The following SMPD4 variants were observed in gnomAD, a reference collection of about 807,000 sequenced individuals.
SMPD4 encodes neutral sphingomyelinase 3.
SMPD4 carries 58 observed loss-of-function variants against 97.8 expected under a neutral mutation model. The observed-to-expected ratio is 0.59, with a 90% CI of 0.48 to 0.74. The LOEUF (loss-of-function observed/expected upper bound fraction) is 0.74. Ranked by LOEUF, SMPD4 falls within the 30% of genes least tolerant of loss-of-function variation. The probability of loss-of-function intolerance (pLI) is 0.00; values close to 1 mark genes in which losing one functional copy is unlikely to be tolerated. For missense variants in SMPD4, 853 were observed against 1,080.5 expected (o/e 0.79, Z 2.95); for synonymous variants, 388 against 450.0 (o/e 0.86, Z 1.74).
At chr2:130,171,198 G>C (rs547511264) in intron 8 of SMPD4, among the ~76,000 whole-genome samples, 40 of 148,856 alleles carry the variant, frequency 2.7e-4, no homozygotes, top group Non-Finnish European at 3.1e-4. Context: ...TCCGCCTCCC[G>C]GGTTCAAGCA....
chr2:130,169,980 G>A (rs1688287808), intron 8 of SMPD4, among the ~76,000 whole-genome samples: 1 of 151,510 alleles, frequency 6.6e-6, no homozygotes, highest in Non-Finnish European at 1.5e-5. Flanking sequence ...GAAGATTGCT[G>A]AGGCCAGGAG....
intron 12 of SMPD4, chr2:130,156,918 C>G: frequency 8.9e-7 from 1 of 1,118,302 alleles, no homozygotes; most frequent in Non-Finnish European, 1.3e-6. Context: ...CCTCACCCTC[C>G]GTCCCATACA....
chr2:130,181,365 A>T, intron 1 of SMPD4, 165 bp downstream of exon 1: 1 of 1,442,328 alleles, frequency 6.9e-7, no homozygotes. Context: ...GGGTGGCAGA[A>T]GACTCAACCG....
chr2:130,156,278 G>A, intron 13 of SMPD4, 143 bp from the exon 14 acceptor site: 1 of 766,876 alleles, frequency 1.3e-6, no homozygotes, highest in Non-Finnish European at 2.1e-6. Flanking sequence ...GCACAGCCCT[G>A]TGAGGTTTGG....
intron 3 of SMPD4, among the ~76,000 whole-genome samples, chr2:130,173,886 C>T (rs1688717831): frequency 6.6e-6 from 1 of 151,570 alleles, no homozygotes; most frequent in South Asian, 2.1e-4. Context: ...TTGCTTTAGA[C>T]TTGGGCCAGT....
At chr2:130,158,236 C>G (rs1014190041) in intron 11 of SMPD4, 4 of 1,288,816 alleles carry the variant, frequency 3.1e-6, no homozygotes, top group Middle Eastern at 2.1e-4. Context: ...GTAGAAGCCC[C>G]GGGCGTCACT....
Position 130,156,606 on chromosome 2 carries a change from G to A in SMPD4, c.1167C>T (p.Pro389=). 1 of 1,613,740 alleles carries A rather than the reference G, an allele frequency of 6.2e-7. No homozygotes were observed. Among genetic ancestry groups the A allele is most frequent in the Non-Finnish European group, 8.5e-7 (1 of 1,179,876 alleles). ...LFLQHCFGHW[P]LDASFRAVLE... ...TCACAGCTCTGAACGATGCGTCCAG[G>A]GGCCAGTGGCCAAAGCAATGCTGCA... The change falls in exon 13 of 20, where the codon CCC becomes CCT. Residue 389 remains proline, a synonymous_variant. Transcript: ENST00000680298.
chr2:130,172,164 A>G (rs1259381103), intron 8 of SMPD4, among the ~76,000 whole-genome samples, 185 bp downstream of exon 8: 1 of 152,180 alleles, frequency 6.6e-6, no homozygotes, highest in Admixed American at 6.5e-5. Flanking sequence ...ACTGAACACT[A>G]AGGACAGATT....
intron 8 of SMPD4, among the ~76,000 whole-genome samples, chr2:130,171,164 G>A (rs565285985): frequency 1.9e-4 from 29 of 150,310 alleles, no homozygotes; most frequent in South Asian, 1.5e-3. Flanking sequence ...GTGTACAGTG[G>A]TGCAATCTCA....
intron 17 of SMPD4, 77 bp from the exon 18 acceptor site, chr2:130,153,527 C>G: frequency 1.9e-6 from 3 of 1,593,074 alleles, no homozygotes; most frequent in Middle Eastern, 1.9e-4. Flanking sequence ...CAGCCTACAA[C>G]AGTGGCAACA....
intron 10 of SMPD4, among the ~76,000 whole-genome samples, chr2:130,162,433 C>CA (rs1687521411): frequency 6.6e-6 from 1 of 152,234 alleles, no homozygotes; most frequent in African/African-American, 2.4e-5. Context: ...AGTGAAGGAG[C>CA]AGGGCAGGGA....
chr2:130,181,245 T>A, intron 1 of SMPD4: 1 of 1,314,924 alleles, frequency 7.6e-7, no homozygotes, highest in Non-Finnish European at 9.7e-7. Flanking sequence ...AACACAAAGC[T>A]CTCCTTCCCT....
chr2:130,171,070 CAAAAT>C lies in SMPD4; in HGVS notation c.659+1274_659+1278del, dbSNP rs766589958. Among the ~76,000 whole-genome samples the C allele has an allele frequency of 3.6e-3, 546 of 150,544 alleles. 2 individuals carry two copies. The highest frequency in any genetic ancestry group is 5.9e-3 in the Non-Finnish European group (399 of 67,726). Reference sequence around the variant, plus strand: ...CAGAGTGAGACTCCATCTCCAAACACAAAATAAAATAAAATAAAATAAAATAAATA... The same window carrying C: ...CAGAGTGAGACTCCATCTCCAAACACAAAATAAAATAAAATAAAATAAATA... On this transcript the variant is annotated intron_variant, in intron 8 of 19. Transcript: ENST00000680298.
At chr2:130,167,866 C>T (rs938445920) in intron 8 of SMPD4, among the ~76,000 whole-genome samples, 2 of 152,134 alleles carry the variant, frequency 1.3e-5, no homozygotes, top group Admixed American at 1.3e-4. Context: ...ATTTAGTAAC[C>T]GCCCTATTAA....
intron 1 of SMPD4, among the ~76,000 whole-genome samples, chr2:130,179,951 C>T (rs2104934983): frequency 6.7e-6 from 1 of 149,600 alleles, no homozygotes; most frequent in East Asian, 2.0e-4. Flanking sequence ...CCATGCCCGG[C>T]CGCTTTTTCT....
At position 130,172,855 on chromosome 2, in the gene SMPD4, T is replaced by C. The variant is rs914296427; in HGVS notation, c.386A>G (p.Asp129Gly). ...KASIQECILP[D>G]SPLYHNKVQF... Reference sequence around the variant, plus strand: ...GACCTTGTTGTGGTACAGAGGACTGTCAGGGAGGATGCACTCCTGGATGGA... The same window carrying C: ...GACCTTGTTGTGGTACAGAGGACTGCCAGGGAGGATGCACTCCTGGATGGA... The change falls in exon 6 of 20, where the codon GAC (aspartate) becomes GGC (glycine). Residue 129 changes from aspartate to glycine, a missense_variant. Asp to Gly is a moderately conservative substitution (Grantham distance 94, BLOSUM62 -1). This residue lies in a region of SMPD4 where 313 missense variants were observed against 402.2 expected (regional missense o/e 0.78). Coordinates refer to ENST00000680298, the MANE Select transcript of SMPD4 (RefSeq NM_017951.5). 6.2e-7 allele frequency: 1 copy of C among 1,613,962 alleles called. No homozygotes were observed. Among genetic ancestry groups the C allele is most frequent in the Non-Finnish European group, 8.5e-7 (1 of 1,179,908 alleles).
At chr2:130,162,648 C>T (rs549818918) in intron 10 of SMPD4, among the ~76,000 whole-genome samples, 22 of 152,348 alleles carry the variant, frequency 1.4e-4, no homozygotes, top group African/African-American at 4.6e-4. Context: ...CCCCAGGAGC[C>T]TCACTTCCTG....
chr2:130,158,340 C>CGTTGTCTCAAG, intron 11 of SMPD4: 2 of 890,580 alleles, frequency 2.2e-6, no homozygotes, highest in Non-Finnish European at 3.0e-6. Context: ...TTTCTTGAGA[C>CGTTGTCTCAAG]AACGTCTCCC....
rs927852379 is a variant in SMPD4, at chr2:130,151,681, T to C, written c.*874A>G. The C allele has an allele frequency of 3.4e-5, 5 of 148,758 alleles. No individual in the cohort carries two copies. The highest frequency in any genetic ancestry group is 1.0e-4 in the African/African-American group (4 of 39,716). 9.2% of individuals were successfully genotyped at this position (148,758 alleles called of 1,614,324 possible). A position where few individuals can be genotyped will look rare whatever the true frequency, so the allele number is the denominator to read the frequency against. On this transcript the variant is annotated 3_prime_UTR_variant, in exon 20 of 20. Coordinates refer to ENST00000680298, the MANE Select transcript of SMPD4 (RefSeq NM_017951.5). ...CTGGTTTCTGTCAGAGAATCTGTAGTTGTATATTTTGAATACTTAAGTACC... is the reference window on the plus strand; with the variant it reads ...CTGGTTTCTGTCAGAGAATCTGTAGCTGTATATTTTGAATACTTAAGTACC...
Sources: allele counts gnomAD v4.1 joint callset (sites outside exome capture counted in the v4.1 genomes callset), GRCh38; gene constraint gnomAD v4.1.1; regional missense constraint gnomAD v4.1.1; transcripts MANE v1.5; gene names NCBI Gene and HGNC (gene_info 2026-07-23, HGNC 2026-07-21).